The following ARHGAP32 variants were observed in gnomAD, a reference collection of about 807,000 sequenced individuals.
The protein encoded by ARHGAP32 is rho GTPase-activating protein 32.
In ARHGAP32, 51 loss-of-function variants were observed where a neutral mutation model predicts 186.5. The observed-to-expected ratio is 0.27, with a 90% CI of 0.22 to 0.35. The LOEUF (loss-of-function observed/expected upper bound fraction) is 0.35, where lower values mean the gene tolerates loss of function less well. Among genes scored for constraint, ARHGAP32 ranks in the 10% least tolerant of loss-of-function variants. The pLI is 1.00. For missense variants in ARHGAP32, 2,186 were observed against 2,623.5 expected (o/e 0.83, Z 3.64); for synonymous variants, 950 against 964.3 (o/e 0.99, Z 0.27).
chr11:129,105,741 A>G (rs1217032563), intron 5 of ARHGAP32, among the ~76,000 whole-genome samples: 2 of 152,192 alleles, frequency 1.3e-5, no homozygotes, highest in Non-Finnish European at 2.9e-5. Flanking sequence ...ACAAGCCACA[A>G]GTTATACAAA....
chr11:129,221,479 CTGTGTGTGTGTGTGTGTGTGTGTGTGTG>C (rs537808170), intron 1 of ARHGAP32, among the ~76,000 whole-genome samples: 4 of 121,280 alleles, frequency 3.3e-5, no homozygotes, highest in East Asian at 2.5e-4. Context: ...ATTGTCATTA[CTGTGTGTGTGTGTGTGTGTGTGTGTGTG>C]TGTGTGTGTG....
intron 1 of ARHGAP32, among the ~76,000 whole-genome samples, chr11:129,219,845 T>C (rs1261566543): frequency 6.6e-6 from 1 of 151,848 alleles, no homozygotes; most frequent in Non-Finnish European, 1.5e-5. Flanking sequence ...AATATTCACA[T>C]TAACTACACA....
intron 1 of ARHGAP32, among the ~76,000 whole-genome samples, chr11:129,188,648 A>T (rs1334394740): frequency 6.6e-6 from 1 of 152,226 alleles, no homozygotes; most frequent in Non-Finnish European, 1.5e-5. Context: ...AGTCAAGTGC[A>T]TGAAGTATCA....
At chr11:129,210,451 T>A (rs1481882548) in intron 1 of ARHGAP32, among the ~76,000 whole-genome samples, 1 of 152,210 alleles carries the variant, frequency 6.6e-6, no homozygotes, top group Non-Finnish European at 1.5e-5. Flanking sequence ...AACTGAAGCA[T>A]GCCCAAGGTC....
At chr11:129,218,889 G>A (rs879661103) in intron 1 of ARHGAP32, among the ~76,000 whole-genome samples, 7 of 152,124 alleles carry the variant, frequency 4.6e-5, no homozygotes, top group African/African-American at 1.2e-4. Context: ...GAGGGAGTGC[G>A]GGTGAGAAGA....
At chr11:129,105,100 C>G (rs1942012292) in intron 5 of ARHGAP32, among the ~76,000 whole-genome samples, 1 of 152,066 alleles carries the variant, frequency 6.6e-6, no homozygotes, top group South Asian at 2.1e-4. Flanking sequence ...GGAGGAAAAC[C>G]ATTAAATATT....
chr11:129,165,263 CA>C (rs1020952309), intron 1 of ARHGAP32, among the ~76,000 whole-genome samples: 1 of 151,726 alleles, frequency 6.6e-6, no homozygotes, highest in African/African-American at 2.4e-5. Context: ...CCAAGAAACC[CA>C]AAACAAACCA....
intron 1 of ARHGAP32, among the ~76,000 whole-genome samples, chr11:129,228,844 G>A (rs911570294): frequency 2.0e-5 from 3 of 152,264 alleles, no homozygotes; most frequent in South Asian, 2.1e-4. Flanking sequence ...TCCTGCACAT[G>A]TATCCCAGAA....
intron 1 of ARHGAP32, among the ~76,000 whole-genome samples, chr11:129,200,838 G>A (rs919021718): frequency 1.3e-5 from 2 of 151,656 alleles, no homozygotes; most frequent in Non-Finnish European, 2.9e-5. Context: ...ACCATAAAAT[G>A]TTTTCATTAC....
chr11:129,101,630 A>G (rs967659144), intron 5 of ARHGAP32, among the ~76,000 whole-genome samples: 2 of 152,230 alleles, frequency 1.3e-5, no homozygotes, highest in Admixed American at 6.5e-5. Context: ...GCATTCTGAA[A>G]TAAGACAGAC....
At chr11:129,178,925 G>A (rs1221741292) in intron 1 of ARHGAP32, among the ~76,000 whole-genome samples, 2 of 152,042 alleles carry the variant, frequency 1.3e-5, no homozygotes, top group Non-Finnish European at 2.9e-5. Context: ...ATGCCAACAA[G>A]AGCCAAAATT....
At chr11:129,220,868 A>G (rs1944702636) in intron 1 of ARHGAP32, among the ~76,000 whole-genome samples, 1 of 152,178 alleles carries the variant, frequency 6.6e-6, no homozygotes, top group Non-Finnish European at 1.5e-5. Flanking sequence ...ACTCAATTCA[A>G]TGGCACAACA....
intron 6 of ARHGAP32, among the ~76,000 whole-genome samples, chr11:129,074,836 C>CA (rs1231044601): frequency 4.0e-5 from 6 of 151,838 alleles, no homozygotes; most frequent in African/African-American, 1.4e-4. Flanking sequence ...AGAAAGGAGA[C>CA]AAAATGGAAA....
chr11:129,122,334 T>TA (rs1010495693), intron 5 of ARHGAP32, among the ~76,000 whole-genome samples: 21 of 146,938 alleles, frequency 1.4e-4, no homozygotes, highest in South Asian at 2.2e-4. Flanking sequence ...TTGTAAAGAT[T>TA]AAAAAAAAAA....
chr11:129,039,665 C>G (rs997139839), intron 11 of ARHGAP32, among the ~76,000 whole-genome samples: 1 of 152,078 alleles, frequency 6.6e-6, no homozygotes, highest in Non-Finnish European at 1.5e-5. Context: ...GCTGCACAAC[C>G]CTGTTACACA....
chr11:129,177,601 G>A (rs934249995), intron 1 of ARHGAP32, among the ~76,000 whole-genome samples: 1 of 152,154 alleles, frequency 6.6e-6, no homozygotes, highest in Non-Finnish European at 1.5e-5. Flanking sequence ...GATCAAGTGG[G>A]CTTCATCCCT....
intron 6 of ARHGAP32, among the ~76,000 whole-genome samples, chr11:129,089,728 C>A (rs548502360): frequency 1.3e-5 from 2 of 152,144 alleles, no homozygotes; most frequent in South Asian, 4.1e-4. Context: ...CATTTTATAC[C>A]ATTCTGGCAG....
At chr11:129,093,192 T>C (rs950944270) in intron 6 of ARHGAP32, among the ~76,000 whole-genome samples, 2 of 152,080 alleles carry the variant, frequency 1.3e-5, no homozygotes, top group African/African-American at 4.8e-5. Flanking sequence ...TAATATGTGA[T>C]CAATAGCTGA....
At chr11:129,176,970 A>T (rs1332665653) in intron 1 of ARHGAP32, among the ~76,000 whole-genome samples, 1 of 151,286 alleles carries the variant, frequency 6.6e-6, no homozygotes, top group Non-Finnish European at 1.5e-5. Flanking sequence ...GACACAAAAA[A>T]CCCTTCAAAA....
Sources: allele counts gnomAD v4.1 joint callset (sites outside exome capture counted in the v4.1 genomes callset), GRCh38; gene constraint gnomAD v4.1.1; transcripts MANE v1.5; gene names NCBI Gene and HGNC (gene_info 2026-07-23, HGNC 2026-07-21).